The following C2 variants were observed in gnomAD, a reference collection of about 807,000 sequenced individuals.
C2 encodes the protein complement C2.
A neutral mutation model predicts 85.2 loss-of-function variants in C2; 64 were observed. The ratio of observed to expected loss-of-function variants is 0.75; its 90% CI spans 0.61 to 0.92. The LOEUF is 0.92. Among genes scored for constraint, C2 ranks in the 40% least tolerant of loss-of-function variants. The pLI is 0.00. For missense variants in C2, 820 were observed against 971.6 expected, an observed-to-expected ratio of 0.84 and a Z score of 2.07; for synonymous variants, 311 against 370.8, an observed-to-expected ratio of 0.84 and a Z score of 1.85.
Position 31,944,669 on chromosome 6 carries a change from C to A in C2, c.1903-58C>A. On this transcript the variant is annotated intron_variant, in intron 15 of 17. Coordinates refer to ENST00000299367, the MANE Select transcript of C2 (RefSeq NM_000063.6). The surrounding 1 kb of genome is among the most constrained non-coding windows in gnomAD (Gnocchi z 5.1). ...GTGCTGAGATTACAGGCGTGAGCCA[C>A]TGCACCCACCCGGGTCTGCTTATTC... is the stretch of plus-strand genomic sequence containing the variant. 6.2e-7 allele frequency: 1 copy of A among 1,606,220 alleles called. No individual in the cohort carries two copies. Among genetic ancestry groups the A allele is most frequent in the Admixed American group, 1.7e-5 (1 of 60,020 alleles).
upstream of C2, among the ~76,000 whole-genome samples, chr6:31,918,209 C>T (rs952536967): frequency 4.6e-5 from 7 of 151,782 alleles, no homozygotes; most frequent in African/African-American, 7.3e-5. Context: ...TGTGGAAGCC[C>T]AGGAGTTTGA....
intron 1 of C2, among the ~76,000 whole-genome samples, chr6:31,913,207 G>C (rs976030591): frequency 4.6e-5 from 7 of 151,828 alleles, no homozygotes; most frequent in African/African-American, 1.7e-4. Flanking sequence ...CAGCCTCCTG[G>C]GTATCTGGGA....
chr6:31,924,274 C>T (rs1203073305), upstream of C2, among the ~76,000 whole-genome samples: 1 of 152,168 alleles, frequency 6.6e-6, no homozygotes. Flanking sequence ...CATGGTTTGG[C>T]TTTGTTATAA....
At chr6:31,940,723 G>A (rs1770811607) in intron 9 of C2, among the ~76,000 whole-genome samples, 1 of 152,128 alleles carries the variant, frequency 6.6e-6, no homozygotes, top group African/African-American at 2.4e-5. Context: ...ACTGGACCAA[G>A]GTCAAATGCT....
At chr6:31,912,051 G>A (rs1199449149) in intron 1 of C2, among the ~76,000 whole-genome samples, 3 of 151,088 alleles carry the variant, frequency 2.0e-5, no homozygotes, top group East Asian at 2.0e-4. Flanking sequence ...GATTACAGGC[G>A]TTGAGCCACC....
chr6:31,926,335 CTT>C (rs9281627), upstream of C2, among the ~76,000 whole-genome samples: 8 of 143,822 alleles, frequency 5.6e-5, no homozygotes, highest in Non-Finnish European at 6.1e-5. Flanking sequence ...TTTGTGTACT[CTT>C]TTTTTTTTTT....
chr6:31,943,763 GC>G lies in C2; in HGVS notation c.1688del (p.Ala563ValfsTer3), dbSNP rs770976319. On this transcript the variant is annotated frameshift_variant, in exon 13 of 18. Coordinates refer to ENST00000299367, the MANE Select transcript of C2 (RefSeq NM_000063.6). LOFTEE classifies it high-confidence loss of function. The surrounding 1 kb of genome is among the most constrained non-coding windows in gnomAD (Gnocchi z 6.4). The part of the protein sequence containing the change: ...GILEFYGDDI[A>X]LLKLAQKVKM... ...CCTGGAGTTCTATGGTGATGACATA[GC>G]TCTGCTGAAGCTGGCCCAGAAAGTA... 1 of 1,613,136 alleles carries G rather than the reference GC, an allele frequency of 6.2e-7. No homozygotes were observed. The highest frequency in any genetic ancestry group is 1.1e-5 in the South Asian group (1 of 91,090).
intron 7 of C2, chr6:31,937,052 A>C (rs1770473633): frequency 2.2e-6 from 1 of 454,628 alleles, no homozygotes; most frequent in Admixed American, 3.4e-5. Context: ...TACTAAAAAT[A>C]CAAAAAATTA....
At chr6:31,910,229 A>G (rs115067530) in intron 1 of C2, among the ~76,000 whole-genome samples, 7,389 of 151,400 alleles carry the variant, frequency 0.049, 285 homozygotes, top group African/African-American at 0.09. Flanking sequence ...TGTACTCATT[A>G]TAGTTTTATT....
At chr6:31,924,075 C>T (rs1769134506), upstream of C2, among the ~76,000 whole-genome samples, 1 of 152,154 alleles carries the variant, frequency 6.6e-6, no homozygotes, top group South Asian at 2.1e-4. Flanking sequence ...GCTGGGATTA[C>T]AGGCGTGAAC....
intron 3 of C2, among the ~76,000 whole-genome samples, chr6:31,931,909 C>T (rs1769802757): frequency 1.3e-5 from 1 of 76,942 alleles, no homozygotes; most frequent in African/African-American, 3.5e-5. Context: ...CCCCCACCTC[C>T]CTCCCGGACG....
At chr6:31,906,452 C>T (rs1047443687) in intron 1 of C2, among the ~76,000 whole-genome samples, 24 of 151,892 alleles carry the variant, frequency 1.6e-4, no homozygotes, top group Admixed American at 4.6e-4. Flanking sequence ...GAATTTACTC[C>T]CTGCAGCCCA....
intron 9 of C2, among the ~76,000 whole-genome samples, 190 bp downstream of exon 9, chr6:31,939,510 CTTTT>C (rs896123643): frequency 7.9e-6 from 1 of 126,432 alleles, no homozygotes; most frequent in Non-Finnish European, 1.7e-5. Context: ...ACCTTACCTT[CTTTT>C]TTTTTTTTTT....
rs549820053 is a variant in C2, at chr6:31,922,520, C to T, written c.-100+2494C>T. Reference sequence around the variant, plus strand: ...GGGAGAATAAGGCATCCTGAGAGGCCATCAGAGCATCATTTCTGATTTTTA... The same window carrying T: ...GGGAGAATAAGGCATCCTGAGAGGCTATCAGAGCATCATTTCTGATTTTTA... On this transcript the variant is annotated intron_variant, in intron 1 of 3. Coordinates refer to the C2 transcript ENST00000413154. The surrounding 1 kb of genome is among the most constrained non-coding windows in gnomAD (Gnocchi z 4.8). Among the ~76,000 whole-genome samples the T allele has an allele frequency of 6.8e-4, 103 of 152,184 alleles. No homozygotes were observed. The highest frequency in any genetic ancestry group is 2.5e-3 in the African/African-American group (102 of 41,504).
At chr6:31,942,655 C>T (rs1420134763) in intron 9 of C2, among the ~76,000 whole-genome samples, 7 of 151,972 alleles carry the variant, frequency 4.6e-5, no homozygotes, top group Non-Finnish European at 1.0e-4. Context: ...TAAAAAGGTA[C>T]GAAAGTGAGC....
chr6:31,919,627 T>C (rs904481794), upstream of C2, among the ~76,000 whole-genome samples: 7 of 152,264 alleles, frequency 4.6e-5, no homozygotes, highest in Admixed American at 4.6e-4. Flanking sequence ...ACAGAGAGCA[T>C]ATGTGGCTAC....
At chr6:31,933,336 C>T (rs987322444) in intron 3 of C2, among the ~76,000 whole-genome samples, 1 of 152,244 alleles carries the variant, frequency 6.6e-6, no homozygotes, top group Non-Finnish European at 1.5e-5. Context: ...TCTGCATCCT[C>T]TCCAACACTT....
chr6:31,933,595 T>C lies in C2; in HGVS notation c.443-15T>C. ...AGGGGGCTACTCACCTCTGCCTTCC[T>C]TTGTTCACTCGCAGCTGGCCACTGC... On this transcript the variant is annotated splice_polypyrimidine_tract_variant and intron_variant, in intron 3 of 17. Transcript: ENST00000299367. 1.2e-6 allele frequency: 2 copies of C among 1,612,844 alleles called. No homozygotes were observed. Among genetic ancestry groups the C allele is most frequent in the Non-Finnish European group, 1.7e-6 (2 of 1,180,012 alleles).
In C2 at chr6:31,932,034, A is replaced by G. The variant is rs1213959890; in HGVS notation, c.443-1576A>G. 4.6e-5 allele frequency among the ~76,000 whole-genome samples: 6 copies of G among 131,366 alleles called. No individual in the cohort carries two copies. In the East Asian group the frequency reaches 1.1e-3, roughly 25 times the overall value. The allele number at this position is 131,366 out of a possible 152,430, so 86.2% of individuals were successfully genotyped here. The stretch of plus-strand genomic sequence containing the variant: ...TCCCGGACAGAGTGGCTGGCCGGGC[A>G]GAGGGGCTCCTCACTTCCCAGCAGG... On this transcript the variant is annotated intron_variant, in intron 3 of 17. Transcript: ENST00000299367.
Sources: allele counts gnomAD v4.1 joint callset (sites outside exome capture counted in the v4.1 genomes callset), GRCh38; gene constraint gnomAD v4.1.1; non-coding constraint Gnocchi (gnomAD v3.1); transcripts MANE v1.5; gene names NCBI Gene and HGNC (gene_info 2026-07-23, HGNC 2026-07-21).